Variants in KRI1 observed in about 807,000 individuals in gnomAD.
KRI1 encodes protein KRI1 homolog.
KRI1 carries 83 observed loss-of-function variants against 97.0 expected under a neutral mutation model. The observed-to-expected ratio is 0.86, with a 90% confidence interval of 0.72 to 1.03. KRI1 has a LOEUF of 1.03. Among genes scored for constraint, KRI1 ranks in the 50% least tolerant of loss-of-function variants. The pLI is 0.00. For missense variants in KRI1, 916 were observed against 928.4 expected (o/e 0.99, Z 0.17); for synonymous variants, 371 against 363.5 (o/e 1.02, Z -0.23).
At chr19:10,555,901 T>C (rs1916489602) in intron 16 of KRI1, among the ~76,000 whole-genome samples, 2 of 152,288 alleles carry the variant, frequency 1.3e-5, no homozygotes, top group Non-Finnish European at 1.5e-5. Flanking sequence ...GCCACACACT[T>C]TGGTCTCATT....
intron 6 of KRI1, 112 bp downstream of exon 6, chr19:10,561,555 T>C: frequency 9.4e-7 from 1 of 1,062,554 alleles, no homozygotes; most frequent in Admixed American, 1.7e-5. Context: ...GTTTAACTGA[T>C]GAGGAAACTG....
chr19:10,553,771 G>A lies in KRI1; in HGVS notation c.*180C>T. The stretch of plus-strand genomic sequence containing the variant: ...GGAGTCTCGCTAAGTTGCCCACGCT[G>A]GTCTCCAATTCCTGGGCTCAAGTGA... On this transcript the variant is annotated 3_prime_UTR_variant, in exon 19 of 19. Coordinates refer to ENST00000312962, the MANE Select transcript of KRI1 (RefSeq NM_023008.5). 3.4e-6 allele frequency: 2 copies of A among 586,616 alleles called. No homozygotes were observed. The highest frequency in any genetic ancestry group is 3.0e-5 in the East Asian group (1 of 33,838). 36.3% of individuals were successfully genotyped at this position (586,616 alleles called of 1,614,324 possible).
Position 10,553,868 on chromosome 19 carries a change from G to A in KRI1, c.*83C>T. On this transcript the variant is annotated 3_prime_UTR_variant, in exon 19 of 19. Coordinates refer to ENST00000312962, the MANE Select transcript of KRI1 (RefSeq NM_023008.5). The stretch of plus-strand genomic sequence containing the variant: ...GGCCACAGATGAGAGGATCTCTGCA[G>A]CAGATAGTACTTGTGGGTGCGAGAC... The A allele has an allele frequency of 8.7e-7, 1 of 1,152,290 alleles. No homozygotes were observed. Among genetic ancestry groups the A allele is most frequent in the Non-Finnish European group, 1.2e-6 (1 of 836,748 alleles). The allele number at this position is 1,152,290 out of a possible 1,614,324, so 71.4% of individuals were successfully genotyped here.
At chr19:10,562,184 G>A (rs1916723101) in intron 4 of KRI1, among the ~76,000 whole-genome samples, 1 of 151,646 alleles carries the variant, frequency 6.6e-6, no homozygotes, top group Admixed American at 6.6e-5. Context: ...CACGTAGCTG[G>A]GACTACAGGC....
In KRI1 at chr19:10,554,084, G is replaced by A; in HGVS notation, c.1979C>T (p.Pro660Leu). Reference sequence around the variant, plus strand: ...CTCGCATCCACCAAGCATCACAGTGGGGCCCAGCAGCCGTGCCTTCTTGGC... The same window carrying A: ...CTCGCATCCACCAAGCATCACAGTGAGGCCCAGCAGCCGTGCCTTCTTGGC... ...RRAKKARLLG[P>L]TVMLGGCEFS... The change falls in exon 19 of 19, where the codon CCC (proline) becomes CTC (leucine). Residue 660 changes from proline (P) to leucine (L), a missense_variant. Pro to Leu is a moderately conservative substitution (Grantham distance 98). This residue lies in a region of KRI1 where 672 missense variants were observed against 667.2 expected (regional missense o/e 1.01). Transcript: ENST00000312962. 1 of 1,614,206 alleles carries A rather than the reference G, an allele frequency of 6.2e-7. No individual in the cohort carries two copies. The highest frequency in any genetic ancestry group is 8.5e-7 in the Non-Finnish European group (1 of 1,180,046).
chr19:10,561,887 G>A, intron 4 of KRI1, 42 bp from the exon 5 acceptor site: 1 of 1,586,374 alleles, frequency 6.3e-7, no homozygotes, highest in Non-Finnish European at 8.7e-7. Context: ...ATCTTCCAGG[G>A]CCCGCCTGTC....
At chr19:10,560,945 G>A in intron 8 of KRI1, 58 bp downstream of exon 8, 1 of 1,318,510 alleles carries the variant, frequency 7.6e-7, no homozygotes, top group East Asian at 2.3e-5. Flanking sequence ...CTGTAAATAG[G>A]TTGGATGGAC....
chr19:10,555,448 A>G (rs937564869), intron 16 of KRI1, 99 bp from the exon 17 acceptor site: 15 of 1,292,326 alleles, frequency 1.2e-5, no homozygotes, highest in East Asian at 7.0e-5. Flanking sequence ...TAATGCCGCT[A>G]CCACCCAGCA....
chr19:10,559,546 A>T lies in KRI1; in HGVS notation c.1024-17T>A, dbSNP rs1477151909. On this transcript the variant is annotated splice_polypyrimidine_tract_variant and intron_variant, in intron 11 of 18. Coordinates refer to ENST00000312962, the MANE Select transcript of KRI1 (RefSeq NM_023008.5). ...TGCTTTCTCCTGCAGGCCCAGGCAGAGAGGGGGAGGGCATGGGCTTTCCTC... is the reference window on the plus strand; with the variant it reads ...TGCTTTCTCCTGCAGGCCCAGGCAGTGAGGGGGAGGGCATGGGCTTTCCTC... 6.2e-7 allele frequency: 1 copy of T among 1,613,834 alleles called. No individual in the cohort carries two copies. Among genetic ancestry groups the T allele is most frequent in the Non-Finnish European group, 8.5e-7 (1 of 1,179,952 alleles).
intron 12 of KRI1, among the ~76,000 whole-genome samples, 193 bp from the exon 13 acceptor site, chr19:10,558,432 C>G (rs545967782): frequency 6.6e-6 from 1 of 152,164 alleles, no homozygotes; most frequent in African/African-American, 2.4e-5. Flanking sequence ...CCCCTGCTGT[C>G]TACCCTGTGA....
intron 16 of KRI1, 89 bp downstream of exon 16, chr19:10,557,462 GC>G: frequency 7.2e-7 from 1 of 1,384,838 alleles, no homozygotes; most frequent in Non-Finnish European, 1.0e-6. Flanking sequence ...GCATTTCTGA[GC>G]AACAGAGATT....
At position 10,557,708 on chromosome 19, in the gene KRI1, G is replaced by A. The variant is rs754407026; in HGVS notation, c.1487-26C>T. ...CTGCTCGAGACAGAGCCAGGCTGCTGGGCTATGCCAGGCCCCGCGGTGCCC... is the reference window on the plus strand; with the variant it reads ...CTGCTCGAGACAGAGCCAGGCTGCTAGGCTATGCCAGGCCCCGCGGTGCCC... On this transcript the variant is annotated intron_variant, in intron 15 of 18. Transcript: ENST00000312962. The A allele has an allele frequency of 5.0e-6, 8 of 1,613,910 alleles. No homozygotes were observed. In the Admixed American group the frequency reaches 5.0e-5, roughly 10 times the overall value.
intron 16 of KRI1, among the ~76,000 whole-genome samples, 166 bp downstream of exon 16, chr19:10,557,386 C>T (rs146476362): frequency 1.4e-4 from 22 of 152,062 alleles, no homozygotes; most frequent in African/African-American, 5.3e-4. Context: ...CGATTACAGG[C>T]ATGAGCCACT....
At chr19:10,562,147 C>G (rs1192826815) in intron 4 of KRI1, among the ~76,000 whole-genome samples, 1 of 151,430 alleles carries the variant, frequency 6.6e-6, no homozygotes, top group East Asian at 1.9e-4. Flanking sequence ...CTCCCAGATT[C>G]AAGCGATTCT....
At chr19:10,561,556 G>A (rs1290448186) in intron 6 of KRI1, 111 bp downstream of exon 6, 35 of 1,073,024 alleles carry the variant, frequency 3.3e-5, no homozygotes, top group Non-Finnish European at 4.8e-5. Flanking sequence ...TTTAACTGAT[G>A]AGGAAACTGA....
chr19:10,561,393 C>T, intron 6 of KRI1, 128 bp from the exon 7 acceptor site: 1 of 901,356 alleles, frequency 1.1e-6, no homozygotes, highest in Non-Finnish European at 1.7e-6. Flanking sequence ...CTCCTGGGCT[C>T]AAGTGATCCT....
Position 10,558,249 on chromosome 19 carries a change from C to T in KRI1, c.1195-10G>A, listed in dbSNP as rs376447576. The T allele has an allele frequency of 1.9e-6, 3 of 1,613,862 alleles. No homozygotes were observed. Among genetic ancestry groups the T allele is most frequent in the African/African-American group, 2.7e-5 (2 of 74,904 alleles). On this transcript the variant is annotated splice_polypyrimidine_tract_variant and intron_variant, in intron 12 of 18. Coordinates refer to ENST00000312962, the MANE Select transcript of KRI1 (RefSeq NM_023008.5). ...CGTCCCCAAAGCACTTCTGCAGGGT[C>T]AGGGCTGGCGGTTACCAGAGCCCAC... is the stretch of plus-strand genomic sequence containing the variant.
At position 10,559,920 on chromosome 19, in the gene KRI1, C is replaced by T. The variant is rs142580156; in HGVS notation, c.817G>A (p.Val273Ile). 9 of 1,611,946 alleles carry T rather than the reference C, an allele frequency of 5.6e-6. No homozygotes were observed. The African/African-American group carries it at 1.2e-4, about 22-fold the overall frequency. The change falls in exon 10 of 19, where the codon GTC (valine) becomes ATC (isoleucine). Residue 273 changes from valine to isoleucine, a missense_variant. Around this residue, in one of 3 missense-constraint regions of KRI1, gnomAD observed 672 missense variants for 667.2 expected, o/e 1.01. Coordinates refer to ENST00000312962, the MANE Select transcript of KRI1 (RefSeq NM_023008.5). The part of the protein sequence containing the change: ...EEEEGVHGPP[V>I]QLAVDDSSDE... ...GAGGAGTCGTCCACAGCCAGCTGGA[C>T]TGGGGGACCGTGGACCCTGAGGGGC...
intron 18 of KRI1, among the ~76,000 whole-genome samples, chr19:10,554,628 C>A (rs1417122133): frequency 6.6e-6 from 1 of 152,146 alleles, no homozygotes; most frequent in Non-Finnish European, 1.5e-5. Context: ...TCACTGCAGC[C>A]TCCAACTCCT....
Sources: gnomAD v4.1 joint callset for allele counts (sites outside exome capture counted in the v4.1 genomes callset) on GRCh38, gnomAD v4.1.1 for gene constraint, gnomAD v4.1.1 regional missense constraint, MANE v1.5 for transcripts, NCBI Gene and HGNC (gene_info 2026-07-23, HGNC 2026-07-21) for gene names.